The following TACR1 variants were observed in gnomAD, a reference collection of about 807,000 sequenced individuals.
TACR1 encodes substance-P receptor.
In TACR1, 25 loss-of-function variants were observed where a neutral mutation model predicts 35.8. The observed-to-expected ratio is 0.70, with a 90% confidence interval of 0.51 to 0.98. TACR1 has a LOEUF of 0.98. TACR1 is among the 50% of genes least tolerant of loss of function. The pLI is 0.00. For missense variants in TACR1, 478 were observed against 522.9 expected, an observed-to-expected ratio of 0.91 and a Z score of 0.84; for synonymous variants, 195 against 206.7, an observed-to-expected ratio of 0.94 and a Z score of 0.48.
intron 1 of TACR1, among the ~76,000 whole-genome samples, chr2:75,157,667 G>A (rs1398612203): frequency 1.3e-5 from 2 of 152,156 alleles, no homozygotes; most frequent in African/African-American, 2.4e-5. Context: ...TACACTAGAT[G>A]GAACTGTTCC....
chr2:75,161,462 A>G (rs1292452787), intron 1 of TACR1, among the ~76,000 whole-genome samples: 2 of 152,154 alleles, frequency 1.3e-5, no homozygotes, highest in African/African-American at 4.8e-5. Flanking sequence ...CTAAAATGTT[A>G]ATCTTTCACA....
chr2:75,103,996 A>G (rs1158718489), intron 2 of TACR1, among the ~76,000 whole-genome samples: 1 of 152,148 alleles, frequency 6.6e-6, no homozygotes, highest in Admixed American at 6.6e-5. Flanking sequence ...GAAGAAAGCA[A>G]CAAAGAATCT....
intron 2 of TACR1, among the ~76,000 whole-genome samples, chr2:75,084,095 T>C (rs377149639): frequency 4.0e-4 from 61 of 152,044 alleles, no homozygotes; most frequent in African/African-American, 1.3e-3. Flanking sequence ...TTTTGAGATA[T>C]GTCCCATCAA....
chr2:75,172,613 A>G (rs1254935914), intron 1 of TACR1, among the ~76,000 whole-genome samples: 2 of 152,094 alleles, frequency 1.3e-5, no homozygotes, highest in African/African-American at 4.8e-5. Flanking sequence ...TCCCCAGGAC[A>G]AGAGGCTCTT....
At chr2:75,137,094 G>A (rs1301881836) in intron 1 of TACR1, among the ~76,000 whole-genome samples, 1 of 152,144 alleles carries the variant, frequency 6.6e-6, no homozygotes, top group African/African-American at 2.4e-5. Flanking sequence ...GTTAGCATGA[G>A]TGTTCCTTGT....
At chr2:75,093,916 C>T (rs947963893) in intron 2 of TACR1, among the ~76,000 whole-genome samples, 1 of 152,020 alleles carries the variant, frequency 6.6e-6, no homozygotes, top group Non-Finnish European at 1.5e-5. Flanking sequence ...CTCTCTCTTT[C>T]TACATGTGAG....
At chr2:75,112,421 TG>T (rs139521377) in intron 2 of TACR1, among the ~76,000 whole-genome samples, 11,876 of 152,168 alleles carry the variant, frequency 0.078, 777 homozygotes, top group East Asian at 0.21. Flanking sequence ...TGAGAAGAAC[TG>T]ATATCCTTAG....
At chr2:75,131,758 A>G (rs1025949926) in intron 1 of TACR1, among the ~76,000 whole-genome samples, 4 of 152,366 alleles carry the variant, frequency 2.6e-5, no homozygotes, top group Admixed American at 6.5e-5. Flanking sequence ...ATACAAAAGT[A>G]TACTACATAG....
chr2:75,168,064 T>A (rs1195728193), intron 1 of TACR1, among the ~76,000 whole-genome samples: 2 of 152,196 alleles, frequency 1.3e-5, no homozygotes, highest in Non-Finnish European at 2.9e-5. Context: ...AAAAATAATC[T>A]TTGACTTGAA....
chr2:75,194,261 T>G (rs747244043), intron 1 of TACR1, among the ~76,000 whole-genome samples: 1 of 152,088 alleles, frequency 6.6e-6, no homozygotes, highest in Non-Finnish European at 1.5e-5. Flanking sequence ...CATCTGAGAA[T>G]TAACAAACTC....
intron 1 of TACR1, among the ~76,000 whole-genome samples, chr2:75,137,735 A>G (rs1674326973): frequency 7.1e-6 from 1 of 140,534 alleles, no homozygotes; most frequent in Admixed American, 7.1e-5. Context: ...TCTCAAAAAA[A>G]AAAAAAAAAA....
At chr2:75,070,233 A>T (rs28485192) in intron 2 of TACR1, among the ~76,000 whole-genome samples, 2 of 90,132 alleles carry the variant, frequency 2.2e-5, no homozygotes, top group Non-Finnish European at 4.0e-5. Context: ...GTGTGTGTGT[A>T]TGTGTGTGTG....
rs1393390859 is a variant in TACR1 at position 75,049,639 on chromosome 2, G to A, written c.1017C>T (p.Thr339=). ...GDYEGLEMKS[T]RYLQTQGSVY... is the part of the protein sequence containing the mutation. ...CACTGCCCTGGGTCTGGAGATACCG[G>A]GTGGATTTCATTTCCAGCCCCTCAT... Residue 339 remains threonine, a synonymous_variant, in exon 5 of 5, where the codon ACC becomes ACT. Transcript: ENST00000305249. 3.7e-6 allele frequency: 6 copies of A among 1,614,026 alleles called. No individual in the cohort carries two copies. Among genetic ancestry groups the A allele is most frequent in the Non-Finnish European group, 5.1e-6 (6 of 1,180,040 alleles).
Position 75,198,612 on chromosome 2 carries a change from T to C in TACR1, c.323A>G (p.His108Arg). ...WYYGLFYCKF[H>R]NFFPIAAVFA... ...GACAGCGGCGATGGGAAAGAAGTTG[T>C]GGAACTTGCAGTAGAACAGGCCGTA... The change falls in exon 1 of 5, where the codon CAC becomes CGC. Residue 108 changes from histidine (H) to arginine (R), a missense_variant. Coordinates refer to ENST00000305249, the MANE Select transcript of TACR1 (RefSeq NM_001058.4). 1 of 1,614,156 alleles carries C rather than the reference T, an allele frequency of 6.2e-7. No homozygotes were observed. The highest frequency in any genetic ancestry group is 1.1e-5 in the South Asian group (1 of 91,072).
chr2:75,188,386 T>C (rs967964888), intron 1 of TACR1: 1 of 152,224 alleles, frequency 6.6e-6, no homozygotes, highest in African/African-American at 2.4e-5. Flanking sequence ...ACATGAGGTT[T>C]TTAAAAATTA....
chr2:75,105,989 C>G (rs549815452), intron 2 of TACR1, among the ~76,000 whole-genome samples: 19 of 152,020 alleles, frequency 1.2e-4, no homozygotes, highest in Middle Eastern at 3.4e-3. Flanking sequence ...TAAAGAAAAA[C>G]TGGGAAAAAA....
chr2:75,132,824 C>T (rs1289060658), intron 1 of TACR1, among the ~76,000 whole-genome samples: 1 of 152,200 alleles, frequency 6.6e-6, no homozygotes, highest in East Asian at 1.9e-4. Flanking sequence ...TTTAGACCAA[C>T]CAACTTAAAT....
intron 1 of TACR1, among the ~76,000 whole-genome samples, chr2:75,139,748 C>T (rs950130439): frequency 2.6e-5 from 4 of 152,096 alleles, no homozygotes; most frequent in Admixed American, 6.5e-5. Context: ...TGAGAGGCTC[C>T]GTTGGGGAGA....
chr2:75,065,642 C>T (rs543498860), intron 2 of TACR1, among the ~76,000 whole-genome samples: 41 of 152,086 alleles, frequency 2.7e-4, no homozygotes, highest in African/African-American at 5.8e-4. Flanking sequence ...TTGTGGGAGA[C>T]GGATTGGATA....
Sources: allele counts gnomAD v4.1 joint callset (sites outside exome capture counted in the v4.1 genomes callset), GRCh38; gene constraint gnomAD v4.1.1; transcripts MANE v1.5; gene names NCBI Gene and HGNC (gene_info 2026-07-23, HGNC 2026-07-21).